The following CCDC33 variants were observed in gnomAD, a reference collection of about 807,000 sequenced individuals.
The protein encoded by CCDC33 is coiled-coil domain-containing protein 33.
Under a neutral mutation model 91.9 loss-of-function variants are expected in CCDC33, and 94 were observed. The observed-to-expected ratio is 1.02, with a 90% confidence interval of 0.87 to 1.21. The LOEUF is 1.21. CCDC33 is among the 50% of genes most tolerant of loss of function. The pLI is 0.00. For missense variants in CCDC33, 940 were observed against 935.5 expected, an observed-to-expected ratio of 1.00 and a Z score of -0.06; for synonymous variants, 396 against 374.5, an observed-to-expected ratio of 1.06 and a Z score of -0.66.
At chr15:74,228,426 C>A (rs1188403434) in intron 2 of CCDC33, among the ~76,000 whole-genome samples, 1 of 152,246 alleles carries the variant, frequency 6.6e-6, no homozygotes, top group Non-Finnish European at 1.5e-5. Flanking sequence ...AAAACGCTGG[C>A]CATTCTCGTG....
At chr15:74,274,078 C>T (rs1299313128) in intron 7 of CCDC33, among the ~76,000 whole-genome samples, 8 of 152,212 alleles carry the variant, frequency 5.3e-5, no homozygotes, top group Non-Finnish European at 1.0e-4. Context: ...GACCTGTCCA[C>T]CTCGGCCTCC....
chr15:74,244,829 A>C lies in CCDC33; in HGVS notation c.185+681A>C, dbSNP rs1381185674. 1.3e-5 allele frequency among the ~76,000 whole-genome samples: 2 copies of C among 152,138 alleles called. No individual in the cohort carries two copies. The highest frequency in any genetic ancestry group is 2.9e-5 in the Non-Finnish European group (2 of 68,020). ...GACACTGAATATTTGCTCAATCTTT[A>C]TTATAAAGCACCCTCCAAGGAGCAT... On this transcript the variant is annotated intron_variant, in intron 2 of 18. Transcript: ENST00000398814. The surrounding 1 kb of genome is among the most constrained non-coding windows in gnomAD (Gnocchi z 4.2).
At chr15:74,291,136 C>T (rs756245190) in intron 10 of CCDC33, among the ~76,000 whole-genome samples, 3 of 152,216 alleles carry the variant, frequency 2.0e-5, no homozygotes, top group Non-Finnish European at 4.4e-5. Context: ...GAGACAGACC[C>T]GGAGCTTCAA....
Position 74,316,521 on chromosome 15 carries a change from G to A in CCDC33, c.1291-13668G>A, listed in dbSNP as rs1191154545. Among the ~76,000 whole-genome samples the A allele has an allele frequency of 6.6e-6, 1 of 152,200 alleles. No individual in the cohort carries two copies. Among genetic ancestry groups the A allele is most frequent in the African/African-American group, 2.4e-5 (1 of 41,456 alleles). On this transcript the variant is annotated intron_variant, in intron 11 of 18. Coordinates refer to ENST00000398814, the MANE Select transcript of CCDC33 (RefSeq NM_025055.5). This position sits in a 1 kb window ranked among gnomAD's most constrained non-coding sequence, Gnocchi z 4.7. The stretch of plus-strand genomic sequence containing the variant: ...AGGGCCCCTTGCAGGGAGGGGTGGT[G>A]AAGCCTGGTCTGGGAGGCTTCTTGC...
chr15:74,243,464 T>A (rs1276255076), intron 1 of CCDC33, among the ~76,000 whole-genome samples: 5 of 152,232 alleles, frequency 3.3e-5, no homozygotes, highest in African/African-American at 1.2e-4. Context: ...TGTCTCATCC[T>A]GCAGGAAGGG....
In CCDC33 at chr15:74,244,654, C is replaced by A. The variant is rs2075461097; in HGVS notation, c.185+506C>A. On this transcript the variant is annotated intron_variant, in intron 2 of 18. Transcript: ENST00000398814. This position sits in a 1 kb window ranked among gnomAD's most constrained non-coding sequence, Gnocchi z 4.2. ...TGGGCCTTTAATGCACCCCACACAC[C>A]CCCTCCAGCCAGCTGCTGTCAGGGT... Among the ~76,000 whole-genome samples the A allele has an allele frequency of 1.3e-5, 2 of 152,112 alleles. No individual in the cohort carries two copies. Among genetic ancestry groups the A allele is most frequent in the Admixed American group, 1.3e-4 (2 of 15,274 alleles).
intron 2 of CCDC33, among the ~76,000 whole-genome samples, chr15:74,246,029 TCAGA>T (rs1193229234): frequency 1.3e-5 from 2 of 152,166 alleles, no homozygotes; most frequent in Non-Finnish European, 2.9e-5. Context: ...ATCCAGACCC[TCAGA>T]GGCCATAGAA....
intron 10 of CCDC33, among the ~76,000 whole-genome samples, chr15:74,293,877 C>T (rs141522539): frequency 2.0e-4 from 30 of 152,294 alleles, no homozygotes; most frequent in African/African-American, 6.5e-4. Flanking sequence ...TAGCCAAATG[C>T]CTCTGTGTAC....
At position 74,333,634 on chromosome 15, in the gene CCDC33, A is replaced by G. The variant is rs1407570830; in HGVS notation, c.1939-247A>G. Among the ~76,000 whole-genome samples the G allele has an allele frequency of 2.0e-5, 3 of 152,138 alleles. No homozygotes were observed. In the East Asian group the frequency reaches 5.8e-4, roughly 29 times the overall value. ...GGGCTCCCTAATGCATTTTACATTA[A>G]AAAAAATGTTGTGTCAAAACTTCGT... On this transcript the variant is annotated intron_variant, in intron 16 of 18. Transcript: ENST00000398814.
intron 10 of CCDC33, among the ~76,000 whole-genome samples, chr15:74,284,541 G>C (rs943278806): frequency 2.2e-4 from 33 of 152,040 alleles, no homozygotes; most frequent in African/African-American, 7.7e-4. Flanking sequence ...ACCCACATGA[G>C]CAATTGCTGT....
At chr15:74,306,459 T>C (rs1050545850) in intron 11 of CCDC33, among the ~76,000 whole-genome samples, 6 of 152,142 alleles carry the variant, frequency 3.9e-5, no homozygotes, top group African/African-American at 1.4e-4. Flanking sequence ...CTTTGATTTG[T>C]TGGTGGAAGG....
chr15:74,319,242 G>A (rs1411376029), intron 11 of CCDC33, among the ~76,000 whole-genome samples: 1 of 152,236 alleles, frequency 6.6e-6, no homozygotes, highest in African/African-American at 2.4e-5. Flanking sequence ...CCCACAGGGT[G>A]CAGATGAGCA....
intron 10 of CCDC33, 39 bp from the exon 11 acceptor site, chr15:74,295,715 G>C (rs780935066): frequency 1.3e-6 from 2 of 1,542,600 alleles, no homozygotes; most frequent in South Asian, 2.4e-5. Flanking sequence ...CACAGAGAAG[G>C]GGCCTGTCCT....
At chr15:74,325,063 C>T (rs777756484) in intron 11 of CCDC33, among the ~76,000 whole-genome samples, 12 of 151,334 alleles carry the variant, frequency 7.9e-5, no homozygotes, top group African/African-American at 1.9e-4. Context: ...CCCTCCTCTT[C>T]GTTGTTCACT....
chr15:74,299,196 G>A (rs1279134845), intron 11 of CCDC33, among the ~76,000 whole-genome samples: 1 of 152,210 alleles, frequency 6.6e-6, no homozygotes, highest in African/African-American at 2.4e-5. Context: ...CCCACCCTGG[G>A]CATCACCCTC....
intron 8 of CCDC33, 62 bp from the exon 9 acceptor site, chr15:74,280,606 A>G: frequency 7.0e-7 from 1 of 1,422,548 alleles, no homozygotes; most frequent in Non-Finnish European, 9.2e-7. Flanking sequence ...GATGTCAGGT[A>G]TTAAAGGATG....
chr15:74,285,161 G>A (rs370907343), intron 10 of CCDC33, among the ~76,000 whole-genome samples: 7 of 150,998 alleles, frequency 4.6e-5, no homozygotes, highest in Admixed American at 3.3e-4. Flanking sequence ...TGCGCGTGCC[G>A]TATTTGGGCC....
chr15:74,275,958 C>G (rs565696278), intron 7 of CCDC33, among the ~76,000 whole-genome samples: 1 of 152,172 alleles, frequency 6.6e-6, no homozygotes, highest in Non-Finnish European at 1.5e-5. Context: ...CCTGAGGCAC[C>G]GCACCCAGCA....
intron 11 of CCDC33, among the ~76,000 whole-genome samples, chr15:74,297,396 T>C (rs1420476359): frequency 2.0e-5 from 3 of 151,826 alleles, no homozygotes; most frequent in East Asian, 1.9e-4. Context: ...TAAGCAGAGG[T>C]AGTAAAGGAA....
Sources: allele counts gnomAD v4.1 joint callset (sites outside exome capture counted in the v4.1 genomes callset), GRCh38; gene constraint gnomAD v4.1.1; non-coding constraint Gnocchi (gnomAD v3.1); transcripts MANE v1.5; gene names NCBI Gene and HGNC (gene_info 2026-07-23, HGNC 2026-07-21).